Variants in CAPN8 observed in about 807,000 individuals in gnomAD.
The protein encoded by CAPN8 is calpain 8.
Under a neutral mutation model 80.9 loss-of-function variants are expected in CAPN8, and 87 were observed. The ratio of observed to expected loss-of-function variants is 1.07; its 90% confidence interval spans 0.90 to 1.28. The LOEUF (loss-of-function observed/expected upper bound fraction) is 1.28. Ranked by LOEUF, CAPN8 falls within the 50% of genes most tolerant of loss-of-function variation. The pLI, the probability that CAPN8 is intolerant of heterozygous loss-of-function variation, is 0.00. For missense variants in CAPN8, 757 were observed against 702.0 expected, an observed-to-expected ratio of 1.08 and a Z score of -0.89; for synonymous variants, 299 against 273.8, an observed-to-expected ratio of 1.09 and a Z score of -0.91.
At chr1:223,544,697 T>G in intron 18 of CAPN8, 75 bp downstream of exon 18, 1 of 1,536,050 alleles carries the variant, frequency 6.5e-7, no homozygotes, top group Non-Finnish European at 8.8e-7. Context: ...TCATTAGCAA[T>G]CATCATCATG....
intron 15 of CAPN8, among the ~76,000 whole-genome samples, chr1:223,550,413 C>G (rs1471606498): frequency 6.6e-6 from 1 of 152,190 alleles, no homozygotes; most frequent in Middle Eastern, 3.2e-3. Context: ...GGAAAGAAAC[C>G]AGCTCCCTGT....
Position 223,541,779 on chromosome 1 carries a change from G to T in CAPN8, c.*57C>A. On this transcript the variant is annotated 3_prime_UTR_variant, in exon 21 of 21. Transcript: ENST00000366872. ...AAATGTTCACAAAATTGTAGAGAAG[G>T]GGTGACAAGAAGCAAGCAGTGGGGC... The T allele has an allele frequency of 1.3e-6, 2 of 1,551,318 alleles. No individual in the cohort carries two copies. The highest frequency in any genetic ancestry group is 1.7e-6 in the Non-Finnish European group (2 of 1,146,862).
At chr1:223,620,651 C>T (rs1268150096) in intron 7 of CAPN8, among the ~76,000 whole-genome samples, 2 of 152,176 alleles carry the variant, frequency 1.3e-5, no homozygotes, top group Non-Finnish European at 2.9e-5. Flanking sequence ...GCAGGCACTC[C>T]AGTACCCATT....
Position 223,627,116 on chromosome 1 carries a change from A to G in CAPN8, c.602T>C (p.Val201Ala), listed in dbSNP as rs1355548980. The G allele has an allele frequency of 3.9e-6, 6 of 1,552,238 alleles. No homozygotes were observed. The highest frequency in any genetic ancestry group is 1.2e-5 in the South Asian group (1 of 84,070). The change falls in exon 5 of 21, where the codon GTG becomes GCG. Residue 201 changes from valine (V) to alanine (A), a missense_variant. Val to Ala is a moderately conservative substitution (Grantham distance 64). Transcript: ENST00000366872. ...CYEALAGGSTVEGFEDFTGGI... is the reference protein window; with the variant it reads ...CYEALAGGSTAEGFEDFTGGI... ...ACCTGTGAAATCCTCAAACCCCTCC[A>G]CTGTGGAACCTCCAGCGAGAGCCTC... is the stretch of plus-strand genomic sequence containing the variant.
chr1:223,552,979 C>A (rs1457857882), intron 14 of CAPN8, among the ~76,000 whole-genome samples: 4 of 152,114 alleles, frequency 2.6e-5, no homozygotes, highest in Non-Finnish European at 5.9e-5. Flanking sequence ...TATTCAATGG[C>A]TATGCAAAGG....
At chr1:223,623,231 C>T (rs34272122) in intron 6 of CAPN8, among the ~76,000 whole-genome samples, 64,158 of 152,020 alleles carry the variant, frequency 0.42, 13,663 homozygotes, top group African/African-American at 0.44. Flanking sequence ...ATAATAAACG[C>T]CCTCCAAACA....
At chr1:223,552,831 A>G (rs1052905379) in intron 14 of CAPN8, among the ~76,000 whole-genome samples, 4 of 152,316 alleles carry the variant, frequency 2.6e-5, no homozygotes, top group Admixed American at 2.0e-4. Context: ...CTATGCAAAT[A>G]TGAGCTTTTC....
chr1:223,624,943 A>C (rs1368068397), intron 6 of CAPN8, among the ~76,000 whole-genome samples: 2 of 151,660 alleles, frequency 1.3e-5, no homozygotes, highest in South Asian at 2.1e-4. Flanking sequence ...AAATACAAAA[A>C]TTAGCTGGGC....
chr1:223,622,569 C>T, intron 7 of CAPN8: 1 of 545,524 alleles, frequency 1.8e-6, no homozygotes. Flanking sequence ...AAGCAAAATT[C>T]CACAGAGCCG....
At chr1:223,659,653 T>C (rs1482766256) in intron 1 of CAPN8, among the ~76,000 whole-genome samples, 1 of 152,228 alleles carries the variant, frequency 6.6e-6, no homozygotes, top group African/African-American at 2.4e-5. Context: ...TGAACTCCCA[T>C]ACATTGTGTT....
intron 2 of CAPN8, among the ~76,000 whole-genome samples, chr1:223,642,297 T>A (rs1278471559): frequency 1.9e-5 from 2 of 104,062 alleles, no homozygotes; most frequent in East Asian, 7.7e-4. Flanking sequence ...GGTGTTTTTC[T>A]GAACAATGGT....
intron 20 of CAPN8, among the ~76,000 whole-genome samples, chr1:223,542,189 G>A (rs1253953306): frequency 2.0e-5 from 3 of 150,810 alleles, no homozygotes; most frequent in East Asian, 3.9e-4. Flanking sequence ...CACTATATAT[G>A]TGTGTGTATA....
chr1:223,657,653 G>A (rs1476902701), intron 1 of CAPN8, among the ~76,000 whole-genome samples: 3 of 152,144 alleles, frequency 2.0e-5, no homozygotes, highest in Admixed American at 6.5e-5. Context: ...TGTAGTCCCA[G>A]CTACTCAGGA....
intron 1 of CAPN8, among the ~76,000 whole-genome samples, chr1:223,655,647 A>G (rs1477199192): frequency 6.6e-6 from 1 of 152,238 alleles, no homozygotes; most frequent in Non-Finnish European, 1.5e-5. Flanking sequence ...GGCTATATCC[A>G]CAAAGGGAGA....
chr1:223,622,556 G>A (rs984815105), intron 7 of CAPN8: 17 of 525,490 alleles, frequency 3.2e-5, no homozygotes, highest in African/African-American at 2.1e-4. Flanking sequence ...ACCTTTCAGC[G>A]CAAAGCAAAA....
At chr1:223,546,661 C>T (rs533769395) in intron 16 of CAPN8, among the ~76,000 whole-genome samples, 32 of 152,284 alleles carry the variant, frequency 2.1e-4, no homozygotes, top group Admixed American at 3.9e-4. Flanking sequence ...ACAAGCTAGA[C>T]ATAATTATCC....
chr1:223,660,395 G>A (rs1004126683), intron 1 of CAPN8, among the ~76,000 whole-genome samples: 10 of 152,120 alleles, frequency 6.6e-5, no homozygotes, highest in South Asian at 2.1e-4. Context: ...GAACACCCCC[G>A]ATCTCACATA....
chr1:223,622,820 G>T lies in CAPN8; in HGVS notation c.894C>A (p.Ser298Arg). The T allele has an allele frequency of 2.6e-6, 4 of 1,551,434 alleles. No individual in the cohort carries two copies. The highest frequency in any genetic ancestry group is 3.5e-6 in the Non-Finnish European group (4 of 1,146,774). Residue 298 changes from serine (S) to arginine (R), a missense_variant, in exon 7 of 21, where the codon AGC (serine) becomes AGA (arginine). By Grantham distance (110) the Ser-to-Arg change is moderately radical. Transcript: ENST00000366872. The stretch of plus-strand genomic sequence containing the variant: ...AGCGGGGGAAAAAAACCTACTCATC[G>T]CTCCAGGCTCCCGACCACTCCACTT... Reference protein sequence around the residue: ...WGEVEWSGAWSDDAPEWNHID... With the variant: ...WGEVEWSGAWRDDAPEWNHID...
At chr1:223,549,405 G>A (rs765886359) in intron 15 of CAPN8, 23 bp from the exon 16 acceptor site, 3 of 1,551,636 alleles carry the variant, frequency 1.9e-6, no homozygotes, top group East Asian at 2.4e-5. Flanking sequence ...ATAGAAAAGG[G>A]GAGTGGGAAT....
Sources: gnomAD v4.1 joint callset for allele counts (sites outside exome capture counted in the v4.1 genomes callset) on GRCh38, gnomAD v4.1.1 for gene constraint, MANE v1.5 for transcripts, NCBI Gene and HGNC (gene_info 2026-07-23, HGNC 2026-07-21) for gene names.